The following CPSF2 variants were observed in gnomAD, a reference collection of about 807,000 sequenced individuals.
CPSF2 encodes cleavage and polyadenylation specific factor 2.
Under a neutral mutation model 84.2 loss-of-function variants are expected in CPSF2, and 51 were observed. The observed-to-expected ratio is 0.61, with a 90% CI of 0.48 to 0.77. CPSF2 has a LOEUF of 0.77. CPSF2 is among the 30% of genes least tolerant of loss of function. The pLI is 0.00. For missense variants in CPSF2, 641 were observed against 929.4 expected (o/e 0.69, Z 4.03); for synonymous variants, 286 against 311.9 (o/e 0.92, Z 0.87).
intron 14 of CPSF2, 76 bp downstream of exon 14, chr14:92,159,358 T>A: frequency 8.0e-7 from 1 of 1,254,420 alleles, no homozygotes; most frequent in Non-Finnish European, 1.1e-6. Context: ...TTGGTTTTTT[T>A]CCCCCCTTCT....
chr14:92,154,064 T>A, intron 9 of CPSF2: 1 of 189,398 alleles, frequency 5.3e-6, no homozygotes, highest in Middle Eastern at 2.1e-3. Flanking sequence ...CTTGAACTCC[T>A]GGCCTCAAGC....
intron 6 of CPSF2, among the ~76,000 whole-genome samples, chr14:92,136,282 AT>A (rs775882833): frequency 2.0e-5 from 3 of 152,222 alleles, no homozygotes; most frequent in Non-Finnish European, 4.4e-5. Flanking sequence ...AATAGACTGA[AT>A]TTTAGACACT....
At chr14:92,135,717 CT>C (rs369818860) in intron 6 of CPSF2, among the ~76,000 whole-genome samples, 7 of 152,338 alleles carry the variant, frequency 4.6e-5, no homozygotes, top group African/African-American at 1.7e-4. Flanking sequence ...TAAGTATACA[CT>C]CTACAAAACG....
In CPSF2 at chr14:92,136,060, C is replaced by T. The variant is rs1325283036; in HGVS notation, c.545+564C>T. Among the ~76,000 whole-genome samples the T allele has an allele frequency of 2.0e-5, 3 of 152,038 alleles. 1 individual carries two copies. Among genetic ancestry groups the T allele is most frequent in the Non-Finnish European group, 4.4e-5 (3 of 68,006 alleles). ...TGTAATTACCATCTAATATAACTGCCCTGTATGTTTAAAGTTAGTCCCTTT... is the reference window on the plus strand; with the variant it reads ...TGTAATTACCATCTAATATAACTGCTCTGTATGTTTAAAGTTAGTCCCTTT... On this transcript the variant is annotated intron_variant, in intron 6 of 15. Transcript: ENST00000298875.
chr14:92,149,848 T>C (rs538082770), intron 9 of CPSF2, among the ~76,000 whole-genome samples: 2 of 151,830 alleles, frequency 1.3e-5, no homozygotes, highest in African/African-American at 2.4e-5. Flanking sequence ...GTAGAGACAT[T>C]GTTTCACCAT....
chr14:92,157,913 A>G lies in CPSF2; in HGVS notation c.1821+29A>G, dbSNP rs749206883. On this transcript the variant is annotated intron_variant, in intron 13 of 15. Coordinates refer to ENST00000298875, the MANE Select transcript of CPSF2 (RefSeq NM_017437.3). The surrounding 1 kb of genome is among the most constrained non-coding windows in gnomAD (Gnocchi z 4.0). ...AACATGCCAGGAGTTGCCATTGAGT[A>G]GAAATAAGTACTTTTTGTTGCAGGT... is the stretch of plus-strand genomic sequence containing the variant. 5.4e-6 allele frequency: 8 copies of G among 1,471,138 alleles called. No individual in the cohort carries two copies. The highest frequency in any genetic ancestry group is 1.7e-4 in the Middle Eastern group (1 of 5,834). The allele number at this position is 1,471,138 out of a possible 1,614,324, so 91.1% of individuals were successfully genotyped here. A position where few individuals can be genotyped will look rare whatever the true frequency, so the allele number is the denominator to read the frequency against.
At chr14:92,136,923 GAA>G (rs2069007360) in intron 6 of CPSF2, among the ~76,000 whole-genome samples, 1 of 151,934 alleles carries the variant, frequency 6.6e-6, no homozygotes, top group East Asian at 1.9e-4. Flanking sequence ...CTCTGATTTG[GAA>G]AAGACTTTGT....
chr14:92,146,272 A>G (rs1452911462), intron 9 of CPSF2, among the ~76,000 whole-genome samples: 1 of 152,230 alleles, frequency 6.6e-6, no homozygotes. Context: ...CTGTAATCCC[A>G]GCACTTTGGG....
At chr14:92,129,136 TAC>T (rs2068882679) in intron 2 of CPSF2, among the ~76,000 whole-genome samples, 1 of 152,096 alleles carries the variant, frequency 6.6e-6, no homozygotes, top group African/African-American at 2.4e-5. Context: ...GCTTTTCAAG[TAC>T]AGGGGGTACA....
chr14:92,129,838 C>T (rs769647809), intron 2 of CPSF2, among the ~76,000 whole-genome samples: 1 of 152,132 alleles, frequency 6.6e-6, no homozygotes, highest in African/African-American at 2.4e-5. Context: ...ACCTCGGACT[C>T]CTGGGCTCAA....
rs948606331 is a variant in CPSF2, at chr14:92,168,183, A to T, written c.*6439A>T. The T allele has an allele frequency of 1.4e-5, 2 of 145,082 alleles. No homozygotes were observed. The highest frequency in any genetic ancestry group is 5.1e-5 in the African/African-American group (2 of 39,580). The allele number at this position is 145,082 out of a possible 1,614,324, so 9.0% of individuals were successfully genotyped here. A position where few individuals can be genotyped will look rare whatever the true frequency, so the allele number is the denominator to read the frequency against. On this transcript the variant is annotated 3_prime_UTR_variant, in exon 16 of 16. Transcript: ENST00000298875. ...GAATCGCTTGAACCCGGGATGCGGA[A>T]GTTGCAGTGAGCCAAGATCACGCCA... is the stretch of plus-strand genomic sequence containing the variant.
chr14:92,132,790 A>AACAAAAAT (rs2068949635), intron 3 of CPSF2, among the ~76,000 whole-genome samples: 1 of 151,004 alleles, frequency 6.6e-6, no homozygotes, highest in South Asian at 2.1e-4. Flanking sequence ...AAACAAAAAA[A>AACAAAAAT]ACAAAAAGAG....
At chr14:92,131,477 A>G (rs1381804321) in intron 3 of CPSF2, among the ~76,000 whole-genome samples, 2 of 152,164 alleles carry the variant, frequency 1.3e-5, no homozygotes, top group African/African-American at 2.4e-5. Context: ...TACTTTCTAC[A>G]TCTTTTGATG....
At chr14:92,152,275 A>G (rs1434068747) in intron 9 of CPSF2, among the ~76,000 whole-genome samples, 1 of 151,674 alleles carries the variant, frequency 6.6e-6, no homozygotes, top group Non-Finnish European at 1.5e-5. Context: ...GATTACAGGC[A>G]TGTGCCATCA....
At chr14:92,132,783 CAA>C (rs537137462) in intron 3 of CPSF2, among the ~76,000 whole-genome samples, 56 of 147,496 alleles carry the variant, frequency 3.8e-4, no homozygotes, top group African/African-American at 1.4e-3. Context: ...AAAAAAAAAA[CAA>C]AAAAAACAAA....
intron 9 of CPSF2, among the ~76,000 whole-genome samples, chr14:92,150,341 C>T (rs1186166991): frequency 2.6e-5 from 4 of 151,704 alleles, no homozygotes; most frequent in Admixed American, 6.6e-5. Context: ...AGGCTGGTCT[C>T]GAACTCCTGA....
intron 7 of CPSF2, among the ~76,000 whole-genome samples, chr14:92,139,534 A>G (rs28667523): frequency 0.098 from 14,509 of 148,632 alleles, 805 homozygotes; most frequent in East Asian, 0.15. Context: ...GCTTCATCTT[A>G]CATTCTTTTT....
chr14:92,160,114 C>T (rs1255230801), intron 14 of CPSF2, among the ~76,000 whole-genome samples: 3 of 152,176 alleles, frequency 2.0e-5, no homozygotes, highest in Admixed American at 6.5e-5. Flanking sequence ...AGGCATGAGC[C>T]ACTGGGCCCG....
At chr14:92,139,123 A>G (rs959822801) in intron 7 of CPSF2, among the ~76,000 whole-genome samples, 1 of 152,182 alleles carries the variant, frequency 6.6e-6, no homozygotes, top group Non-Finnish European at 1.5e-5. Flanking sequence ...AATATACTCT[A>G]AAAGAAAAAT....
Sources: gnomAD v4.1 joint callset for allele counts (sites outside exome capture counted in the v4.1 genomes callset) on GRCh38, gnomAD v4.1.1 for gene constraint, Gnocchi (gnomAD v3.1) non-coding constraint, MANE v1.5 for transcripts, NCBI Gene and HGNC (gene_info 2026-07-23, HGNC 2026-07-21) for gene names.